Variants in AIG1 observed in about 807,000 individuals in gnomAD.
AIG1 encodes the protein androgen induced 1, also known as androgen-induced gene 1 protein.
In AIG1, 23 loss-of-function variants were observed where a neutral mutation model predicts 31.4. The observed-to-expected ratio is 0.73, with a 90% confidence interval of 0.53 to 1.04. The LOEUF (loss-of-function observed/expected upper bound fraction) is 1.04. Among genes scored for constraint, AIG1 ranks in the 50% least tolerant of loss-of-function variants. The probability of loss-of-function intolerance (pLI) is 0.00; values close to 1 mark genes in which losing one functional copy is unlikely to be tolerated. For missense variants in AIG1, 274 were observed against 295.0 expected (o/e 0.93, Z 0.52); for synonymous variants, 100 against 110.5 (o/e 0.90, Z 0.60).
At chr6:143,180,016 G>A (rs1243234680) in intron 3 of AIG1, among the ~76,000 whole-genome samples, 1 of 152,188 alleles carries the variant, frequency 6.6e-6, no homozygotes, top group Admixed American at 6.5e-5. Flanking sequence ...TTGGAAGAAT[G>A]TCACATTTAC....
At chr6:143,312,343 GT>G (rs1359815741) in intron 4 of AIG1, among the ~76,000 whole-genome samples, 6 of 152,016 alleles carry the variant, frequency 3.9e-5, no homozygotes, top group Admixed American at 1.3e-4. Context: ...AAACAGCATA[GT>G]ACTGGCATAA....
chr6:143,289,076 G>A (rs1024363516), intron 4 of AIG1, among the ~76,000 whole-genome samples: 1 of 152,076 alleles, frequency 6.6e-6, no homozygotes, highest in African/African-American at 2.4e-5. Context: ...AGAATGGATG[G>A]TAAATGTCTC....
intron 1 of AIG1, among the ~76,000 whole-genome samples, chr6:143,100,357 A>G (rs1241189592): frequency 6.6e-6 from 1 of 152,216 alleles, no homozygotes; most frequent in Non-Finnish European, 1.5e-5. Flanking sequence ...CATTAAAAAT[A>G]TTCTTTTGAT....
chr6:143,236,165 C>G (rs187399733), intron 3 of AIG1, among the ~76,000 whole-genome samples: 1 of 152,210 alleles, frequency 6.6e-6, no homozygotes. Flanking sequence ...TCCTGGGAAG[C>G]CTTCTTGGGC....
intron 2 of AIG1, among the ~76,000 whole-genome samples, chr6:143,155,280 T>C (rs2128552324): frequency 6.6e-6 from 1 of 152,312 alleles, no homozygotes; most frequent in South Asian, 2.1e-4. Context: ...AGTCAGTTAT[T>C]TCATGGTAAC....
intron 1 of AIG1, among the ~76,000 whole-genome samples, chr6:143,121,911 A>C (rs1782274117): frequency 6.6e-6 from 1 of 152,196 alleles, no homozygotes; most frequent in African/African-American, 2.4e-5. Flanking sequence ...TAAGCTTCCT[A>C]ATGTAAAATT....
intron 3 of AIG1, chr6:143,188,864 A>T (rs1789524448): frequency 2.0e-6 from 2 of 985,300 alleles, no homozygotes; most frequent in East Asian, 2.3e-4. Context: ...TTTCAATAAG[A>T]AATTTGGCAT....
intron 1 of AIG1, among the ~76,000 whole-genome samples, chr6:143,128,233 C>T (rs1262315250): frequency 6.6e-6 from 1 of 152,146 alleles, no homozygotes; most frequent in Non-Finnish European, 1.5e-5. Flanking sequence ...TTTGAGTATA[C>T]TTCCATACTT....
Position 143,333,231 on chromosome 6 carries a change from C to A in AIG1, c.516-51C>A. 6.6e-7 allele frequency: 1 copy of A among 1,512,368 alleles called. No individual in the cohort carries two copies. The highest frequency in any genetic ancestry group is 1.3e-5 in the South Asian group (1 of 74,802). The allele number at this position is 1,512,368 out of a possible 1,614,324, so 93.7% of individuals were successfully genotyped here. ...TATTTGCATCATAGCAGCTTTGATG[C>A]CTGCCATAAGAGTGACTCCTGTCCT... On this transcript the variant is annotated intron_variant, in intron 4 of 5. Transcript: ENST00000357847. The surrounding 1 kb of genome is among the most constrained non-coding windows in gnomAD (Gnocchi z 4.6).
chr6:143,173,515 G>A (rs1787846384), intron 3 of AIG1, among the ~76,000 whole-genome samples: 1 of 152,134 alleles, frequency 6.6e-6, no homozygotes. Flanking sequence ...TTTGATGTAG[G>A]CATTTAATGC....
chr6:143,188,940 A>G, intron 3 of AIG1: 2 of 983,928 alleles, frequency 2.0e-6, no homozygotes, highest in Non-Finnish European at 2.4e-6. Context: ...CAAGCCTTCC[A>G]GACTCATCAT....
chr6:143,068,027 G>C (rs989623504), intron 1 of AIG1, among the ~76,000 whole-genome samples: 1 of 152,098 alleles, frequency 6.6e-6, no homozygotes, highest in African/African-American at 2.4e-5. Flanking sequence ...CATAAAATAG[G>C]GGCCTGGTTT....
chr6:143,086,047 T>A (rs1265815602), intron 1 of AIG1, among the ~76,000 whole-genome samples: 1 of 152,202 alleles, frequency 6.6e-6, no homozygotes, highest in African/African-American at 2.4e-5. Flanking sequence ...ACTGGTGAGG[T>A]GTGCTCACAA....
chr6:143,217,933 T>C (rs569057855), intron 3 of AIG1, among the ~76,000 whole-genome samples: 1 of 152,352 alleles, frequency 6.6e-6, no homozygotes, highest in South Asian at 2.1e-4. Flanking sequence ...GCTATATTGA[T>C]TTACAATGCC....
At chr6:143,295,444 C>T (rs1798358991) in intron 4 of AIG1, among the ~76,000 whole-genome samples, 1 of 152,148 alleles carries the variant, frequency 6.6e-6, no homozygotes, top group Non-Finnish European at 1.5e-5. Flanking sequence ...CCTGCATTAC[C>T]GGACCCCTGC....
At chr6:143,107,570 A>G (rs1583198631) in intron 1 of AIG1, among the ~76,000 whole-genome samples, 1 of 152,210 alleles carries the variant, frequency 6.6e-6, no homozygotes, top group East Asian at 1.9e-4. Flanking sequence ...AAATATGCCA[A>G]CTGGCTATAT....
chr6:143,268,446 A>G lies in AIG1; in HGVS notation c.400-15664A>G, dbSNP rs542642680. 6.6e-6 allele frequency among the ~76,000 whole-genome samples: 1 copy of G among 152,332 alleles called. No individual in the cohort carries two copies. Among genetic ancestry groups the G allele is most frequent in the South Asian group, 2.1e-4 (1 of 4,822 alleles). On this transcript the variant is annotated intron_variant, in intron 3 of 5. Transcript: ENST00000357847. The surrounding 1 kb of genome is among the most constrained non-coding windows in gnomAD (Gnocchi z 5.0). ...TTGATAACAAGTTTTAAAGAGCATGAAGTGCCAACTATGCCCTGGCTAGTA... is the reference window on the plus strand; with the variant it reads ...TTGATAACAAGTTTTAAAGAGCATGGAGTGCCAACTATGCCCTGGCTAGTA...
intron 1 of AIG1, among the ~76,000 whole-genome samples, chr6:143,127,736 G>A (rs1171706799): frequency 6.6e-6 from 1 of 151,658 alleles, no homozygotes; most frequent in Non-Finnish European, 1.5e-5. Flanking sequence ...CATCAAGGCT[G>A]GAGTGCAGTG....
At position 143,292,480 on chromosome 6, in the gene AIG1, G is replaced by A. The variant is rs966239976; in HGVS notation, c.515+8255G>A. 1.3e-5 allele frequency among the ~76,000 whole-genome samples: 2 copies of A among 152,174 alleles called. No homozygotes were observed. The highest frequency in any genetic ancestry group is 2.9e-5 in the Non-Finnish European group (2 of 68,036). On this transcript the variant is annotated intron_variant, in intron 4 of 5. Coordinates refer to ENST00000357847, the MANE Select transcript of AIG1 (RefSeq NM_016108.4). This position sits in a 1 kb window ranked among gnomAD's most constrained non-coding sequence, Gnocchi z 4.9. ...AGACAGAGGAAGGGGCTGTGAGCAC[G>A]GAACAAGGGCCCCCTCTAGAAGCCG... is the stretch of plus-strand genomic sequence containing the variant.
Sources: gnomAD v4.1 joint callset for allele counts (sites outside exome capture counted in the v4.1 genomes callset) on GRCh38, gnomAD v4.1.1 for gene constraint, Gnocchi (gnomAD v3.1) non-coding constraint, MANE v1.5 for transcripts, NCBI Gene and HGNC (gene_info 2026-07-23, HGNC 2026-07-21) for gene names.